Variants in NCALD observed in about 807,000 individuals in gnomAD.
NCALD encodes the protein neurocalcin delta, also known as neurocalcin-delta.
NCALD carries 10 observed loss-of-function variants against 18.6 expected under a neutral mutation model. The ratio of observed to expected loss-of-function variants is 0.54; its 90% confidence interval spans 0.33 to 0.91. NCALD has a LOEUF of 0.91. Among genes scored for constraint, NCALD ranks in the 40% least tolerant of loss-of-function variants. The pLI, the probability that NCALD is intolerant of heterozygous loss-of-function variation, is 0.03. For synonymous variants in NCALD, 88 were observed against 87.4 expected (o/e 1.01, Z -0.04); for missense variants, 184 against 247.6 (o/e 0.74, Z 1.72).
chr8:101,815,675 A>G, intron 4 of NCALD, among the ~76,000 whole-genome samples: 1 of 152,188 alleles, frequency 6.6e-6, no homozygotes. Context: ...GTGGAGCAAC[A>G]GAAACTCTCA....
At chr8:101,833,478 C>A (rs1253533832) in intron 4 of NCALD, among the ~76,000 whole-genome samples, 1 of 152,202 alleles carries the variant, frequency 6.6e-6, no homozygotes, top group Non-Finnish European at 1.5e-5. Flanking sequence ...GTTCAGCAGA[C>A]TGTCCAAACT....
chr8:101,783,885 ATTAGG>A (rs1017032594), intron 1 of NCALD, among the ~76,000 whole-genome samples: 40 of 152,296 alleles, frequency 2.6e-4, no homozygotes, highest in Admixed American at 1.4e-3. Context: ...TCCTCCAGAA[ATTAGG>A]TTAGGTTAGG....
chr8:101,958,510 T>C (rs987960388), intron 2 of NCALD, among the ~76,000 whole-genome samples: 14 of 152,238 alleles, frequency 9.2e-5, no homozygotes, highest in African/African-American at 3.4e-4. Context: ...CTACATTACA[T>C]AGATGTTTTA....
chr8:101,795,666 A>G (rs1812612667), upstream of NCALD, among the ~76,000 whole-genome samples: 1 of 152,258 alleles, frequency 6.6e-6, no homozygotes, highest in African/African-American at 2.4e-5. Context: ...TGGGGAAGAC[A>G]CAAACATTCA....
intron 4 of NCALD, among the ~76,000 whole-genome samples, chr8:101,845,398 G>T (rs1814826275): frequency 6.6e-6 from 1 of 152,140 alleles, no homozygotes; most frequent in Admixed American, 6.5e-5. Flanking sequence ...ATACTTAATT[G>T]TACTGAGTTC....
chr8:101,815,161 C>G (rs1017439277), intron 4 of NCALD, among the ~76,000 whole-genome samples: 1 of 152,002 alleles, frequency 6.6e-6, no homozygotes, highest in African/African-American at 2.4e-5. Context: ...GAATAGCCAG[C>G]CAACATTGAA....
At chr8:101,714,718 C>A (rs1004911604) in intron 2 of NCALD, among the ~76,000 whole-genome samples, 10 of 145,024 alleles carry the variant, frequency 6.9e-5, no homozygotes, top group African/African-American at 2.8e-4. Flanking sequence ...AGCTGGGGGC[C>A]GGGCACGGTG....
intron 2 of NCALD, among the ~76,000 whole-genome samples, chr8:102,017,465 G>T (rs1822125538): frequency 6.6e-6 from 1 of 152,144 alleles, no homozygotes; most frequent in Admixed American, 6.5e-5. Flanking sequence ...TATAATACCA[G>T]CACTTTGGGA....
At position 102,015,679 on chromosome 8, in the gene NCALD, C is replaced by T. The variant is rs766848365; in HGVS notation, c.-157+4558G>A. On this transcript the variant is annotated intron_variant, in intron 2 of 6. Coordinates refer to the NCALD transcript ENST00000311028. ...TTAGAGAGCTAAGGACACAAGGCAA[C>T]GAAGTGAACTGAGTTTACCAAGAGT... 4.7e-4 allele frequency among the ~76,000 whole-genome samples: 72 copies of T among 152,032 alleles called. 1 individual carries two copies. Among genetic ancestry groups the T allele is most frequent in the Middle Eastern group, 3.2e-3 (1 of 316 alleles).
At chr8:101,992,395 T>C (rs1383637498) in intron 2 of NCALD, among the ~76,000 whole-genome samples, 2 of 152,324 alleles carry the variant, frequency 1.3e-5, no homozygotes, top group Admixed American at 6.5e-5. Flanking sequence ...TAAATGCTTC[T>C]AAGAAATATT....
At chr8:102,000,485 C>A (rs553941800) in intron 2 of NCALD, among the ~76,000 whole-genome samples, 1 of 152,212 alleles carries the variant, frequency 6.6e-6, no homozygotes, top group African/African-American at 2.4e-5. Context: ...GCAGCAGAAA[C>A]CTCTGCAGAC....
intron 1 of NCALD, among the ~76,000 whole-genome samples, chr8:102,107,345 AAG>A (rs976752792): frequency 2.0e-5 from 3 of 151,470 alleles, no homozygotes; most frequent in African/African-American, 7.3e-5. Context: ...GGAAAAAAGT[AAG>A]AGTCTTTAAC....
At chr8:101,697,485 A>G (rs1309961476) in intron 2 of NCALD, among the ~76,000 whole-genome samples, 1 of 152,172 alleles carries the variant, frequency 6.6e-6, no homozygotes, top group African/African-American at 2.4e-5. Flanking sequence ...TGGCAGAGAC[A>G]CAACAAAAAA....
chr8:102,025,994 G>A (rs1200675930), intron 1 of NCALD, among the ~76,000 whole-genome samples: 1 of 152,180 alleles, frequency 6.6e-6, no homozygotes, highest in Non-Finnish European at 1.5e-5. Flanking sequence ...AGAAGTATGA[G>A]CAAAAGCAGG....
At position 102,082,287 on chromosome 8, in the gene NCALD, C is replaced by CA. The variant is rs772364182; in HGVS notation, c.-210+41949dup. Among the ~76,000 whole-genome samples the CA allele has an allele frequency of 6.6e-4, 82 of 124,554 alleles. 1 individual carries two copies. Among genetic ancestry groups the CA allele is most frequent in the Non-Finnish European group, 1.1e-3 (70 of 63,986 alleles). The allele number at this position is 124,554 out of a possible 152,430, so 81.7% of individuals were successfully genotyped here. On this transcript the variant is annotated intron_variant, in intron 1 of 6. Transcript: ENST00000311028. ...TCGCTCTGTCGCCCAGGCTGGAGTGCAGTGGCGCAGTCTGGGCTCACTGCA... is the reference window on the plus strand; with the variant it reads ...TCGCTCTGTCGCCCAGGCTGGAGTGCAAGTGGCGCAGTCTGGGCTCACTGCA...
At chr8:101,738,502 C>T (rs976633786) in intron 1 of NCALD, among the ~76,000 whole-genome samples, 1 of 146,396 alleles carries the variant, frequency 6.8e-6, no homozygotes, top group Non-Finnish European at 1.5e-5. Context: ...CAAGATTGCG[C>T]CACTGCACTC....
At chr8:102,039,469 A>G (rs534369203) in intron 1 of NCALD, among the ~76,000 whole-genome samples, 10 of 152,192 alleles carry the variant, frequency 6.6e-5, no homozygotes, top group Non-Finnish European at 1.2e-4. Context: ...CATTTGTCTA[A>G]TAGTTTGGAG....
At chr8:101,946,434 A>C (rs1819175460) in intron 2 of NCALD, among the ~76,000 whole-genome samples, 1 of 152,222 alleles carries the variant, frequency 6.6e-6, no homozygotes, top group Admixed American at 6.5e-5. Context: ...GTCTTCAAAA[A>C]GTTTATGGAA....
intron 2 of NCALD, among the ~76,000 whole-genome samples, chr8:101,948,095 G>T (rs1270094636): frequency 6.6e-6 from 1 of 152,246 alleles, no homozygotes; most frequent in Non-Finnish European, 1.5e-5. Context: ...AGGAAAATAT[G>T]TGATGGGTTT....
Sources: gnomAD v4.1 joint callset for allele counts (sites outside exome capture counted in the v4.1 genomes callset) on GRCh38, gnomAD v4.1.1 for gene constraint, MANE v1.5 for transcripts, NCBI Gene and HGNC (gene_info 2026-07-23, HGNC 2026-07-21) for gene names.